Variants in DSCAM observed in about 807,000 individuals in gnomAD.
DSCAM encodes cell adhesion molecule DSCAM.
DSCAM carries 47 observed loss-of-function variants against 217.7 expected under a neutral mutation model. The observed-to-expected ratio is 0.22, with a 90% CI of 0.17 to 0.28. DSCAM has a LOEUF of 0.28. Among genes scored for constraint, DSCAM ranks in the 10% least tolerant of loss-of-function variants. The pLI is 1.00. For synonymous variants in DSCAM, 1,056 were observed against 1,015.3 expected (o/e 1.04, Z -0.76); for missense variants, 2,080 against 2,618.3 (o/e 0.79, Z 4.49).
intron 30 of DSCAM, among the ~76,000 whole-genome samples, chr21:40,047,537 A>T (rs1366444699): frequency 2.0e-5 from 3 of 152,210 alleles, no homozygotes; most frequent in Non-Finnish European, 2.9e-5. Flanking sequence ...ATTGAATCAG[A>T]TTATTTTAAT....
intron 24 of DSCAM, 82 bp downstream of exon 24, chr21:40,083,826 G>A: frequency 3.7e-6 from 4 of 1,089,670 alleles, no homozygotes; most frequent in Non-Finnish European, 5.3e-6. Context: ...ACACATACCA[G>A]TCATTTGCTG....
chr21:40,239,502 A>G (rs1015680011), intron 11 of DSCAM, among the ~76,000 whole-genome samples: 1 of 152,244 alleles, frequency 6.6e-6, no homozygotes, highest in African/African-American at 2.4e-5. Context: ...TTCAAGAGAT[A>G]AAGAAAGTAA....
At chr21:40,018,388 T>C (rs2088202893) in intron 32 of DSCAM, among the ~76,000 whole-genome samples, 1 of 152,180 alleles carries the variant, frequency 6.6e-6, no homozygotes, top group South Asian at 2.1e-4. Flanking sequence ...ATTTTTATCA[T>C]GTTGTTTGTA....
At chr21:40,165,382 ATTAGTCAG>A (rs2090583581) in intron 16 of DSCAM, among the ~76,000 whole-genome samples, 1 of 152,202 alleles carries the variant, frequency 6.6e-6, no homozygotes, top group Non-Finnish European at 1.5e-5. Flanking sequence ...CCCCAACCTC[ATTAGTCAG>A]TTAGATCACC....
At chr21:40,096,372 C>T (rs1457439110) in intron 20 of DSCAM, among the ~76,000 whole-genome samples, 1 of 152,170 alleles carries the variant, frequency 6.6e-6, no homozygotes, top group Non-Finnish European at 1.5e-5. Context: ...CACATACTGT[C>T]AGGACCTCCT....
intron 3 of DSCAM, among the ~76,000 whole-genome samples, chr21:40,371,250 A>G (rs1224973860): frequency 6.6e-6 from 1 of 152,196 alleles, no homozygotes; most frequent in African/African-American, 2.4e-5. Flanking sequence ...AAATGAAAGC[A>G]ACTAAAAATA....
At chr21:40,405,137 G>A (rs1238053531) in intron 3 of DSCAM, among the ~76,000 whole-genome samples, 8 of 152,124 alleles carry the variant, frequency 5.3e-5, no homozygotes, top group African/African-American at 7.2e-5. Flanking sequence ...ATCTAGTGGC[G>A]TATATTGTCT....
intron 3 of DSCAM, among the ~76,000 whole-genome samples, chr21:40,469,745 G>C (rs577202378): frequency 2.6e-5 from 4 of 152,276 alleles, no homozygotes; most frequent in African/African-American, 9.6e-5. Flanking sequence ...CAGAAATTTA[G>C]TTAAAAAATA....
At chr21:40,748,368 A>T (rs529627211) in intron 1 of DSCAM, among the ~76,000 whole-genome samples, 1 of 152,192 alleles carries the variant, frequency 6.6e-6, no homozygotes, top group Non-Finnish European at 1.5e-5. Flanking sequence ...AGAACTAATA[A>T]ATGAATTTGG....
chr21:40,476,920 G>A (rs1019934125), intron 3 of DSCAM, among the ~76,000 whole-genome samples: 89 of 152,152 alleles, frequency 5.8e-4, no homozygotes, highest in African/African-American at 2.1e-3. Flanking sequence ...CCTTAGTCCT[G>A]TGACCATAAT....
At chr21:40,828,226 G>C (rs1484998963) in intron 1 of DSCAM, among the ~76,000 whole-genome samples, 2 of 152,112 alleles carry the variant, frequency 1.3e-5, no homozygotes, top group African/African-American at 4.8e-5. Flanking sequence ...AACATAGTGA[G>C]ACCCTGTTTC....
rs572599070 is a variant in DSCAM at position 40,434,096 on chromosome 21, C to T, written c.509-64851G>A. The stretch of plus-strand genomic sequence containing the variant: ...CCTCGCATGGCTGCCTGTCCTAATG[C>T]AGTTCCACAACTTTCCTTACCAGCC... On this transcript the variant is annotated intron_variant, in intron 3 of 32. Coordinates refer to ENST00000400454, the MANE Select transcript of DSCAM (RefSeq NM_001389.5). Among the ~76,000 whole-genome samples, 523 of 152,322 alleles carry T rather than the reference C, an allele frequency of 3.4e-3. 3 individuals are homozygous for T. The highest frequency in any genetic ancestry group is 0.012 in the African/African-American group (492 of 41,580).
At chr21:40,424,811 T>G (rs1476638597) in intron 3 of DSCAM, among the ~76,000 whole-genome samples, 1 of 152,204 alleles carries the variant, frequency 6.6e-6, no homozygotes, top group East Asian at 1.9e-4. Context: ...CCACAAAAAA[T>G]TATCACAACA....
At chr21:40,245,781 G>A (rs1345122922) in intron 11 of DSCAM, among the ~76,000 whole-genome samples, 1 of 152,140 alleles carries the variant, frequency 6.6e-6, no homozygotes, top group Non-Finnish European at 1.5e-5. Flanking sequence ...TCTGAAACTG[G>A]ACAAATCAAT....
At chr21:40,270,683 G>A (rs549800605) in intron 11 of DSCAM, among the ~76,000 whole-genome samples, 1 of 152,280 alleles carries the variant, frequency 6.6e-6, no homozygotes, top group East Asian at 1.9e-4. Context: ...AGCAGACTGA[G>A]TGATCATAAA....
At chr21:40,439,976 A>G (rs779137607) in intron 3 of DSCAM, among the ~76,000 whole-genome samples, 15 of 152,224 alleles carry the variant, frequency 9.9e-5, no homozygotes, top group Non-Finnish European at 2.2e-4. Context: ...ACCCCTTCCC[A>G]ATGCTCTGTG....
intron 11 of DSCAM, among the ~76,000 whole-genome samples, chr21:40,189,726 G>GCT (rs2090935209): frequency 6.6e-6 from 1 of 152,154 alleles, no homozygotes; most frequent in Admixed American, 6.5e-5. Context: ...CTGCACAAGT[G>GCT]CTCTCTCTTT....
At chr21:40,038,046 C>T (rs1252093869) in intron 32 of DSCAM, among the ~76,000 whole-genome samples, 1 of 150,552 alleles carries the variant, frequency 6.6e-6, no homozygotes, top group African/African-American at 2.4e-5. Flanking sequence ...AAACGTTAGA[C>T]CTAAAACCAT....
chr21:40,641,294 G>A (rs533576639), intron 3 of DSCAM, among the ~76,000 whole-genome samples: 5 of 152,138 alleles, frequency 3.3e-5, no homozygotes, highest in East Asian at 1.9e-4. Context: ...TCTACCTCAC[G>A]GAAGCAGCTA....
Sources: gnomAD v4.1 joint callset for allele counts (sites outside exome capture counted in the v4.1 genomes callset) on GRCh38, gnomAD v4.1.1 for gene constraint, MANE v1.5 for transcripts, NCBI Gene and HGNC (gene_info 2026-07-23, HGNC 2026-07-21) for gene names.